The following NDUFV1 variants were observed in gnomAD, a reference collection of about 807,000 sequenced individuals.
NDUFV1 encodes NADH dehydrogenase [ubiquinone] flavoprotein 1, mitochondrial.
NDUFV1 carries 41 observed loss-of-function variants against 48.7 expected under a neutral mutation model. The observed-to-expected ratio is 0.84, with a 90% confidence interval of 0.66 to 1.09. The LOEUF (loss-of-function observed/expected upper bound fraction) is 1.09, where lower values mean the gene tolerates loss of function less well. Among genes scored for constraint, NDUFV1 ranks in the 50% least tolerant of loss-of-function variants. NDUFV1 has a pLI of 0.00. For synonymous variants in NDUFV1, 231 were observed against 259.1 expected (o/e 0.89, Z 1.04); for missense variants, 580 against 645.4 (o/e 0.90, Z 1.10).
At position 67,611,632 on chromosome 11, in the gene NDUFV1, T is replaced by A; in HGVS notation, c.1080+63T>A. Reference sequence around the variant, plus strand: ...TGGTTGCTGTCTCCCTCCCTGGGCCTCCCAGAAAACCCTCTTGCCAGCACT... The same window carrying A: ...TGGTTGCTGTCTCCCTCCCTGGGCCACCCAGAAAACCCTCTTGCCAGCACT... On this transcript the variant is annotated intron_variant, in intron 7 of 9. Transcript: ENST00000322776. The surrounding 1 kb of genome is among the most constrained non-coding windows in gnomAD (Gnocchi z 4.2). 1 of 1,566,394 alleles carries A rather than the reference T, an allele frequency of 6.4e-7. No individual in the cohort carries two copies.
At chr11:67,610,724 G>A in intron 5 of NDUFV1, 154 bp downstream of exon 5, 2 of 1,076,788 alleles carry the variant, frequency 1.9e-6, no homozygotes, top group Non-Finnish European at 2.7e-6. Flanking sequence ...CTCCCCCAGG[G>A]CCGCCTGCTG....
In NDUFV1 at chr11:67,609,611, C is replaced by G; in HGVS notation, c.486C>G (p.Phe162Leu). The G allele has an allele frequency of 6.2e-7, 1 of 1,606,926 alleles. No individual in the cohort carries two copies. The highest frequency in any genetic ancestry group is 8.5e-7 in the Non-Finnish European group (1 of 1,179,988). Reference protein sequence around the residue: ...RAAYIYIRGEFYNEASNLQVA... With the variant: ...RAAYIYIRGELYNEASNLQVA... ...CCTATATCTACATCCGAGGGGAATTCTACAATGAGGCCTCCAATCTGCAGG... is the reference window on the plus strand; with the variant it reads ...CCTATATCTACATCCGAGGGGAATTGTACAATGAGGCCTCCAATCTGCAGG... The change falls in exon 4 of 10, where the codon TTC becomes TTG. Residue 162 changes from phenylalanine to leucine, a missense_variant. By Grantham distance (22) the Phe-to-Leu change is conservative. Coordinates refer to ENST00000322776, the MANE Select transcript of NDUFV1 (RefSeq NM_007103.4).
rs201908937 is a variant in NDUFV1 at position 67,611,054 on chromosome 11, A to G, written c.760A>G (p.Ile254Val). 21 of 1,614,222 alleles carry G rather than the reference A, an allele frequency of 1.3e-5. No individual in the cohort carries two copies. Among genetic ancestry groups the G allele is most frequent in the African/African-American group, 2.7e-5 (2 of 75,060 alleles). The change falls in exon 6 of 10, where the codon ATC becomes GTC. Residue 254 changes from isoleucine (I) to valine (V), a missense_variant. By Grantham distance (29) the Ile-to-Val change is conservative. Coordinates refer to ENST00000322776, the MANE Select transcript of NDUFV1 (RefSeq NM_007103.4). This position sits in a 1 kb window ranked among gnomAD's most constrained non-coding sequence, Gnocchi z 4.2. ...NVETVAVSPT[I>V]CRRGGTWFAG... ...GGAGACAGTGGCAGTGTCCCCCACAATCTGCCGCCGTGGAGGTACCTGGTT... is the reference window on the plus strand; with the variant it reads ...GGAGACAGTGGCAGTGTCCCCCACAGTCTGCCGCCGTGGAGGTACCTGGTT...
intron 5 of NDUFV1, 149 bp downstream of exon 5, chr11:67,610,719 C>A (rs762800517): frequency 9.0e-6 from 10 of 1,117,098 alleles, no homozygotes; most frequent in Non-Finnish European, 1.3e-5. Flanking sequence ...ACAGGCTCCC[C>A]CAGGGCCGCC....
chr11:67,611,888 G>A lies in NDUFV1; in HGVS notation c.1081-9G>A, dbSNP rs763054774. The A allele has an allele frequency of 1.9e-5, 30 of 1,613,874 alleles. No individual in the cohort carries two copies. The highest frequency in any genetic ancestry group is 2.3e-5 in the Non-Finnish European group (27 of 1,179,986). On this transcript the variant is annotated splice_polypyrimidine_tract_variant and intron_variant, in intron 7 of 9. Coordinates refer to ENST00000322776, the MANE Select transcript of NDUFV1 (RefSeq NM_007103.4). The surrounding 1 kb of genome is among the most constrained non-coding windows in gnomAD (Gnocchi z 4.2). ...CGTGGGTGCCTGCTAATTGCCCCTC[G>A]TCACCCAGACGGACATCGTGAAAGC...
chr11:67,611,887 C>T lies in NDUFV1; in HGVS notation c.1081-10C>T, dbSNP rs778930781. 1.1e-5 allele frequency: 17 copies of T among 1,613,834 alleles called. No individual in the cohort carries two copies. The highest frequency in any genetic ancestry group is 1.6e-4 in the Middle Eastern group (1 of 6,084). Reference sequence around the variant, plus strand: ...CCGTGGGTGCCTGCTAATTGCCCCTCGTCACCCAGACGGACATCGTGAAAG... The same window carrying T: ...CCGTGGGTGCCTGCTAATTGCCCCTTGTCACCCAGACGGACATCGTGAAAG... On this transcript the variant is annotated splice_polypyrimidine_tract_variant and intron_variant, in intron 7 of 9. Transcript: ENST00000322776. The surrounding 1 kb of genome is among the most constrained non-coding windows in gnomAD (Gnocchi z 4.2).
rs1854903398 is a variant in NDUFV1 at position 67,611,040 on chromosome 11, C to G, written c.746C>G (p.Ala249Gly). 5 of 1,614,218 alleles carry G rather than the reference C, an allele frequency of 3.1e-6. No homozygotes were observed. Among genetic ancestry groups the G allele is most frequent in the Non-Finnish European group, 3.4e-6 (4 of 1,180,048 alleles). ...PTTVANVETV[A>G]VSPTICRRGG... The stretch of plus-strand genomic sequence containing the variant: ...ACTGTGGCCAACGTGGAGACAGTGG[C>G]AGTGTCCCCCACAATCTGCCGCCGT... The change falls in exon 6 of 10, where the codon GCA becomes GGA. Residue 249 changes from alanine (A) to glycine (G), a missense_variant. Ala to Gly is a moderately conservative substitution (Grantham distance 60). Transcript: ENST00000322776. The surrounding 1 kb of genome is among the most constrained non-coding windows in gnomAD (Gnocchi z 4.2).
chr11:67,609,768 C>G, intron 4 of NDUFV1, 133 bp downstream of exon 4: 3 of 1,017,764 alleles, frequency 2.9e-6, no homozygotes, highest in Non-Finnish European at 4.5e-6. Context: ...GTGGCCAGTC[C>G]TGCATGCATC....
At chr11:67,607,206 C>T in intron 1 of NDUFV1, 130 bp downstream of exon 1, 1 of 1,060,692 alleles carries the variant, frequency 9.4e-7, no homozygotes, top group Admixed American at 2.0e-5. Context: ...GCGGGAAGGC[C>T]CCCGCTCCGG....
intron 1 of NDUFV1, chr11:67,608,091 G>A: frequency 4.5e-6 from 2 of 443,024 alleles, no homozygotes; most frequent in South Asian, 4.3e-5. Context: ...CCCGGGCGTG[G>A]TGGTGAGTGC....
At chr11:67,608,263 T>A in intron 1 of NDUFV1, 133 bp from the exon 2 acceptor site, 1 of 829,940 alleles carries the variant, frequency 1.2e-6, no homozygotes, top group Non-Finnish European at 2.1e-6. Context: ...CAGTGGTATC[T>A]ATGATGCTAT....
chr11:67,607,085 C>T lies in NDUFV1; in HGVS notation c.72+9C>T, dbSNP rs1854819549. On this transcript the variant is annotated intron_variant, in intron 1 of 9. Coordinates refer to ENST00000322776, the MANE Select transcript of NDUFV1 (RefSeq NM_007103.4). The stretch of plus-strand genomic sequence containing the variant: ...GTTTCAGCGGCGACACGGTGAGGCC[C>T]AGCCTGGCTGGGGCCACGGGTGTTT... 1.2e-6 allele frequency: 2 copies of T among 1,603,468 alleles called. No individual in the cohort carries two copies. The highest frequency in any genetic ancestry group is 1.7e-6 in the Non-Finnish European group (2 of 1,178,218).
rs767679135 is a variant in NDUFV1, at chr11:67,612,272, A to T, written c.1308+7A>T. On this transcript the variant is annotated splice_region_variant and intron_variant, in intron 9 of 9. Transcript: ENST00000322776. This position sits in a 1 kb window ranked among gnomAD's most constrained non-coding sequence, Gnocchi z 4.4. ...GGCCGCCTGGCCTGTGCAGGTATTC[A>T]CCACCCTTCTGCGTAGCACGGAGGG... The T allele has an allele frequency of 1.1e-5, 17 of 1,613,656 alleles. No homozygotes were observed. The highest frequency in any genetic ancestry group is 4.2e-6 in the Non-Finnish European group (5 of 1,179,894).
At chr11:67,609,837 AT>A (rs4148962) in intron 4 of NDUFV1, 37,052 of 401,910 alleles carry the variant, frequency 0.092, 1 homozygote, top group East Asian at 0.12. Flanking sequence ...GCTGGTGTAA[AT>A]TTTTTTTTTT....
intron 3 of NDUFV1, 135 bp downstream of exon 3, chr11:67,608,857 G>T: frequency 8.2e-7 from 1 of 1,223,584 alleles, no homozygotes. Flanking sequence ...GGCCTTAAAT[G>T]GATGGGACTT....
intron 5 of NDUFV1, 21 bp downstream of exon 5, chr11:67,610,591 G>A (rs772839547): frequency 2.5e-6 from 4 of 1,612,946 alleles, no homozygotes; most frequent in Non-Finnish European, 2.5e-6. Context: ...GCGTAACCCT[G>A]GGTCAGACTG....
At position 67,611,127 on chromosome 11, in the gene NDUFV1, T is replaced by A; in HGVS notation, c.833T>A (p.Ile278Asn). 1.9e-6 allele frequency: 3 copies of A among 1,614,192 alleles called. No individual in the cohort carries two copies. The highest frequency in any genetic ancestry group is 2.5e-6 in the Non-Finnish European group (3 of 1,180,032). Residue 278 changes from isoleucine to asparagine, a missense_variant, in exon 6 of 10, where the codon ATC (isoleucine) becomes AAC (asparagine). Ile to Asn is a moderately radical substitution (Grantham distance 149). Transcript: ENST00000322776. The surrounding 1 kb of genome is among the most constrained non-coding windows in gnomAD (Gnocchi z 4.2). Reference protein sequence around the residue: ...ERNSGTKLFNISGHVNHPCTV... With the variant: ...ERNSGTKLFNNSGHVNHPCTV... ...AACTCAGGCACCAAACTATTCAACA[T>A]CTCTGGCCATGTCAACCACCCTTGC...
At chr11:67,607,536 C>T (rs1230204833) in intron 1 of NDUFV1, 1 of 458,558 alleles carries the variant, frequency 2.2e-6, no homozygotes, top group Non-Finnish European at 4.4e-6. Flanking sequence ...TCATTTCATC[C>T]TAAGTGAGCC....
rs1295112014 is a variant in NDUFV1 at position 67,611,440 on chromosome 11, G to A, written c.951G>A (p.Val317=). 6.2e-7 allele frequency: 1 copy of A among 1,614,146 alleles called. No homozygotes were observed. Among genetic ancestry groups the A allele is most frequent in the East Asian group, 2.2e-5 (1 of 44,874 alleles). The change falls in exon 7 of 10, where the codon GTG becomes GTA. Residue 317 remains valine, a synonymous_variant. Transcript: ENST00000322776. This position sits in a 1 kb window ranked among gnomAD's most constrained non-coding sequence, Gnocchi z 4.2. ...VTGGWDNLLA[V]IPGGSSTPLI... ...GCGGCTGGGACAACCTCCTTGCTGT[G>A]ATCCCTGGCGGCTCGTCTACCCCAC...
Sources: gnomAD v4.1 joint callset for allele counts on GRCh38, gnomAD v4.1.1 for gene constraint, Gnocchi (gnomAD v3.1) non-coding constraint, MANE v1.5 for transcripts, NCBI Gene and HGNC (gene_info 2026-07-23, HGNC 2026-07-21) for gene names.